Variants in ARMC2 observed in about 807,000 individuals in gnomAD.
The protein encoded by ARMC2 is armadillo repeat-containing protein 2.
A neutral mutation model predicts 90.3 loss-of-function variants in ARMC2; 67 were observed. That is an observed-to-expected ratio of 0.74 (90% confidence interval 0.61 to 0.91). ARMC2 has a LOEUF of 0.91. Ranked by LOEUF, ARMC2 falls within the 40% of genes least tolerant of loss-of-function variation. The pLI, the probability that ARMC2 is intolerant of heterozygous loss-of-function variation, is 0.00. For synonymous variants in ARMC2, 393 were observed against 393.0 expected (o/e 1.00, Z 0.00); for missense variants, 920 against 1,030.9 (o/e 0.89, Z 1.47).
At chr6:109,016,113 G>A in the ARMC2 span, among the ~76,000 whole-genome samples, 1 of 152,236 alleles carries the variant, frequency 6.6e-6, no homozygotes, top group East Asian at 1.9e-4. Flanking sequence ...ATTTTTACCC[G>A]TGGTTAAAAT....
the ARMC2 span, among the ~76,000 whole-genome samples, chr6:108,983,417 G>T: frequency 6.6e-6 from 1 of 152,102 alleles, no homozygotes; most frequent in East Asian, 1.9e-4. Flanking sequence ...CTTACATTTA[G>T]GTCTTTGAGT....
chr6:108,937,142 G>A lies in ARMC2; in HGVS notation c.1596+143G>A, dbSNP rs1776020466. 4.6e-6 allele frequency: 3 copies of A among 658,388 alleles called. No individual in the cohort carries two copies. The African/African-American group carries it at 5.5e-5, about 12-fold the overall frequency. The allele number at this position is 658,388 out of a possible 1,614,324, so 40.8% of individuals were successfully genotyped here. ...AATGTATAATGGGCTGTCCTGGGAAGCAGTAAGTTACCTATAGGAGTTGAA... is the reference window on the plus strand; with the variant it reads ...AATGTATAATGGGCTGTCCTGGGAAACAGTAAGTTACCTATAGGAGTTGAA... On this transcript the variant is annotated intron_variant, in intron 12 of 17. Transcript: ENST00000392644.
At chr6:108,941,121 T>TA (rs1776403100) in intron 12 of ARMC2, among the ~76,000 whole-genome samples, 1 of 152,148 alleles carries the variant, frequency 6.6e-6, no homozygotes, top group Non-Finnish European at 1.5e-5. Context: ...TATTTTAGAC[T>TA]AAAAACTTTA....
chr6:109,012,265 C>T, the ARMC2 span, among the ~76,000 whole-genome samples: 55 of 146,896 alleles, frequency 3.7e-4, no homozygotes, highest in African/African-American at 1.3e-3. Context: ...TTTTTTGAGA[C>T]GGAGTCTCGC....
chr6:108,864,250 TTTC>T (rs2128424251), intron 3 of ARMC2, among the ~76,000 whole-genome samples: 1 of 60,972 alleles, frequency 1.6e-5, no homozygotes, highest in South Asian at 7.9e-4. Flanking sequence ...TTTTTTTTCT[TTTC>T]TTTTTTTTTT....
Position 108,912,324 on chromosome 6 carries a change from C to A in ARMC2, c.1127-11C>A, listed in dbSNP as rs1378696187. The A allele has an allele frequency of 5.1e-6, 8 of 1,569,528 alleles. No individual in the cohort carries two copies. The highest frequency in any genetic ancestry group is 6.9e-6 in the Non-Finnish European group (8 of 1,152,860). ...TACTCAGACATTTATAATAATTAAT[C>A]TTTTTGACAGAATCATTATTGGAGG... On this transcript the variant is annotated splice_polypyrimidine_tract_variant and intron_variant, in intron 9 of 17. Transcript: ENST00000392644.
At chr6:109,007,509 A>AT in the ARMC2 span, among the ~76,000 whole-genome samples, 1 of 152,138 alleles carries the variant, frequency 6.6e-6, no homozygotes, top group Admixed American at 6.5e-5. Context: ...CAGTAATTTT[A>AT]TTTTTTAAAT....
At chr6:108,894,365 C>T (rs1771384918) in intron 5 of ARMC2, 102 bp from the exon 6 acceptor site, 1 of 1,013,700 alleles carries the variant, frequency 9.9e-7, no homozygotes, top group Admixed American at 2.9e-5. Flanking sequence ...TGAGACCTAT[C>T]TCAAAATAAT....
chr6:108,981,242 C>G, the ARMC2 span, among the ~76,000 whole-genome samples: 1 of 152,026 alleles, frequency 6.6e-6, no homozygotes, highest in Non-Finnish European at 1.5e-5. Context: ...TCCCATTATA[C>G]CTATTCTCTT....
At chr6:108,995,807 T>C in the ARMC2 span, among the ~76,000 whole-genome samples, 2 of 152,054 alleles carry the variant, frequency 1.3e-5, no homozygotes, top group African/African-American at 4.8e-5. Flanking sequence ...AAAGTCTTAA[T>C]CTCAAATCTC....
In ARMC2 at chr6:108,899,728, A is replaced by G. The variant is rs1468694305; in HGVS notation, c.783A>G (p.Glu261=). Residue 261 remains glutamate, a synonymous_variant, in exon 7 of 18, where the codon GAA becomes GAG. Coordinates refer to ENST00000392644, the MANE Select transcript of ARMC2 (RefSeq NM_032131.6). Reference sequence around the variant, plus strand: ...CTGACCTGCAAGAAGAGGACGCAGAAATAGAAGTAGACGAAGTCTTTTGGA... The same window carrying G: ...CTGACCTGCAAGAAGAGGACGCAGAGATAGAAGTAGACGAAGTCTTTTGGA... ...PKADLQEEDA[E]IEVDEVFWNT... The G allele has an allele frequency of 1.9e-6, 3 of 1,613,690 alleles. No individual in the cohort carries two copies. The highest frequency in any genetic ancestry group is 2.5e-6 in the Non-Finnish European group (3 of 1,179,814).
chr6:108,901,347 C>T (rs1319928657), intron 7 of ARMC2, among the ~76,000 whole-genome samples: 1 of 151,640 alleles, frequency 6.6e-6, no homozygotes, highest in Non-Finnish European at 1.5e-5. Flanking sequence ...AAACTCCTGA[C>T]CTTATGATCC....
intron 12 of ARMC2, among the ~76,000 whole-genome samples, chr6:108,948,991 C>T (rs765188778): frequency 1.3e-5 from 2 of 151,970 alleles, no homozygotes; most frequent in African/African-American, 4.8e-5. Flanking sequence ...AAAGCAAGAC[C>T]AGGTAGATGG....
intron 14 of ARMC2, 63 bp downstream of exon 14, chr6:108,961,757 A>G: frequency 6.7e-7 from 1 of 1,500,884 alleles, no homozygotes; most frequent in Non-Finnish European, 8.9e-7. Flanking sequence ...TTTATTAACT[A>G]AACACAGAGC....
intron 12 of ARMC2, among the ~76,000 whole-genome samples, chr6:108,944,267 G>A (rs1186381062): frequency 6.6e-6 from 1 of 152,246 alleles, no homozygotes; most frequent in African/African-American, 2.4e-5. Flanking sequence ...TTCCCAGTAA[G>A]TGGTAAGAAC....
the ARMC2 span, chr6:108,999,201 A>G: frequency 1.4e-4 from 21 of 153,066 alleles, no homozygotes; most frequent in African/African-American, 4.8e-4. Flanking sequence ...GGCTTGAACA[A>G]CTTGATTAAA....
the ARMC2 span, among the ~76,000 whole-genome samples, chr6:109,040,745 T>C: frequency 6.6e-6 from 1 of 151,712 alleles, no homozygotes; most frequent in African/African-American, 2.4e-5. Flanking sequence ...CTCTGCCTCC[T>C]GGGTTCAAGC....
chr6:108,881,296 C>CTTCCTTCCTTCCTTCCTT (rs1554239378), intron 5 of ARMC2, among the ~76,000 whole-genome samples: 9 of 78,236 alleles, frequency 1.2e-4, no homozygotes, highest in Non-Finnish European at 1.9e-4. Flanking sequence ...CCCTCCCCTC[C>CTTCCTTCCTTCCTTCCTT]CCTTCCTTCC....
chr6:109,038,930 A>G, the ARMC2 span, among the ~76,000 whole-genome samples: 2 of 151,538 alleles, frequency 1.3e-5, no homozygotes, highest in Non-Finnish European at 2.9e-5. Context: ...GAGGAGGAGA[A>G]GAAAAGAGAA....
Sources: gnomAD v4.1 joint callset for allele counts (sites outside exome capture counted in the v4.1 genomes callset) on GRCh38, gnomAD v4.1.1 for gene constraint, MANE v1.5 for transcripts, NCBI Gene and HGNC (gene_info 2026-07-23, HGNC 2026-07-21) for gene names.